The following PSG4 variants were observed in gnomAD, a reference collection of about 807,000 sequenced individuals.
PSG4 encodes pregnancy specific beta-1-glycoprotein 4.
A neutral mutation model predicts 44.3 loss-of-function variants in PSG4; 61 were observed. The ratio of observed to expected loss-of-function variants is 1.38; its 90% CI spans 1.12 to 1.70. PSG4 has a LOEUF of 1.70. PSG4 is among the 40% of genes most tolerant of loss of function. The pLI is 0.00. For missense variants in PSG4, 677 were observed against 511.7 expected (o/e 1.32, Z -3.12); for synonymous variants, 248 against 191.3 (o/e 1.30, Z -2.45).
At position 43,194,412 on chromosome 19, in the gene PSG4, G is replaced by A. The variant is rs371102327; in HGVS notation, c.1171C>T (p.Leu391Phe). ...IPQITTKHSG[L>F]YACSVRNSAT... ...GAGTTACGAACAGAGCAAGCATAGA[G>A]CCCACTATGCTTTGTAGTTATTTGG... Residue 391 changes from leucine (L) to phenylalanine (F), a missense_variant, in exon 5 of 6, where the codon CTC becomes TTC. Physicochemically the swap from Leu to Phe is conservative, Grantham distance 22. Coordinates refer to ENST00000405312, the MANE Select transcript of PSG4 (RefSeq NM_002780.5). The A allele has an allele frequency of 5.4e-5, 87 of 1,612,410 alleles. 1 individual carries two copies. The highest frequency in any genetic ancestry group is 2.0e-4 in the East Asian group (9 of 44,870).
intron 2 of PSG4, chr19:43,203,493 G>T (rs571814940): frequency 1.0e-5 from 2 of 196,228 alleles, no homozygotes; most frequent in Non-Finnish European, 2.0e-5. Flanking sequence ...AGGGACAGAG[G>T]TCTGGGGTTG....
At chr19:43,197,623 G>A in intron 3 of PSG4, 2 of 293,676 alleles carry the variant, frequency 6.8e-6, no homozygotes, top group Non-Finnish European at 1.2e-5. Context: ...AAAGTCACAG[G>A]TGACATTGTC....
At position 43,202,072 on chromosome 19, in the gene PSG4, C is replaced by A. The variant is rs1464894654; in HGVS notation, c.430+1814G>T. Among the ~76,000 whole-genome samples, 2 of 145,212 alleles carry A rather than the reference C, an allele frequency of 1.4e-5. 1 individual carries two copies. The highest frequency in any genetic ancestry group is 5.2e-5 in the African/African-American group (2 of 38,120). ...CTTTCCTATTTCCTGGGAGGTGGGCCAGGCCACAGTGTTAGCGGGAAAGGA... is the reference window on the plus strand; with the variant it reads ...CTTTCCTATTTCCTGGGAGGTGGGCAAGGCCACAGTGTTAGCGGGAAAGGA... On this transcript the variant is annotated intron_variant, in intron 2 of 5. Coordinates refer to ENST00000405312, the MANE Select transcript of PSG4 (RefSeq NM_002780.5).
At chr19:43,194,291 A>T (rs1024667649) in intron 5 of PSG4, 49 bp downstream of exon 5, 18 of 1,611,288 alleles carry the variant, frequency 1.1e-5, no homozygotes, top group African/African-American at 1.3e-5. Context: ...TGAATGCCAG[A>T]TAGACTCCAC....
chr19:43,204,701 A>ACGCC lies in PSG4; in HGVS notation c.65-451_65-450insGGCG, dbSNP rs1568391410. On this transcript the variant is annotated intron_variant, in intron 1 of 5. Transcript: ENST00000405312. ...CACTTAGCATGTCTGTCTTCCCCCC[A>ACGCC]CGATGACTGTGTGAGCTCCGTGAGG... is the stretch of plus-strand genomic sequence containing the variant. The ACGCC allele has an allele frequency of 1.3e-3, 237 of 184,064 alleles. 54 individuals are homozygous for ACGCC. Among genetic ancestry groups the ACGCC allele is most frequent in the African/African-American group, 0.01 (228 of 22,164 alleles). 11.4% of individuals were successfully genotyped at this position (184,064 alleles called of 1,614,324 possible). A position where few individuals can be genotyped will look rare whatever the true frequency, so the allele number is the denominator to read the frequency against.
chr19:43,195,322 C>T (rs1167328299), intron 3 of PSG4, 49 bp from the exon 4 acceptor site: 4 of 1,594,572 alleles, frequency 2.5e-6, no homozygotes, highest in Non-Finnish European at 3.4e-6. Flanking sequence ...CCTTTGATTC[C>T]TCCACAGGCA....
In PSG4 at chr19:43,195,291, A is replaced by T; in HGVS notation, c.710-18T>A. On this transcript the variant is annotated intron_variant, in intron 3 of 5. Transcript: ENST00000405312. ...CAGCTTTGCTGTGTGGATAACAGAG[A>T]GAAGATTGTCCTGTGTGGCACCTTT... 1 of 1,608,490 alleles carries T rather than the reference A, an allele frequency of 6.2e-7. No individual in the cohort carries two copies.
In PSG4 at chr19:43,204,849, G is replaced by T. The variant is rs1269498743; in HGVS notation, c.65-598C>A. On this transcript the variant is annotated intron_variant, in intron 1 of 5. Coordinates refer to ENST00000405312, the MANE Select transcript of PSG4 (RefSeq NM_002780.5). ...TTTCTTTTTCCCCCCAATTGTTGAG[G>T]TTTCTTGCTGAGGACAGTGTTTCAT... The T allele has an allele frequency of 7.1e-6, 3 of 424,838 alleles. No homozygotes were observed. In the Admixed American group the frequency reaches 8.1e-5, roughly 11 times the overall value. 26.3% of individuals were successfully genotyped at this position (424,838 alleles called of 1,614,324 possible).
chr19:43,198,514 G>C lies in PSG4; in HGVS notation c.431-239C>G. On this transcript the variant is annotated intron_variant, in intron 2 of 5. Transcript: ENST00000405312. ...TAGGTGTGAATTGAGCAGCAGCATT[G>C]GGTCATGGAAAGACACAGGACCAGC... The C allele has an allele frequency of 4.1e-6, 3 of 740,278 alleles. 1 individual carries two copies. The highest frequency in any genetic ancestry group is 5.8e-6 in the Non-Finnish European group (3 of 516,068). The allele number at this position is 740,278 out of a possible 1,614,324, so 45.9% of individuals were successfully genotyped here.
intron 4 of PSG4, 77 bp from the exon 5 acceptor site, chr19:43,194,671 G>T (rs913771223): frequency 2.6e-6 from 4 of 1,542,910 alleles, no homozygotes; most frequent in Non-Finnish European, 3.5e-6. Context: ...AAGGGACACA[G>T]TTACCCTCTA....
chr19:43,195,545 A>G (rs1446193941), intron 3 of PSG4, among the ~76,000 whole-genome samples: 1 of 151,348 alleles, frequency 6.6e-6, no homozygotes, highest in Non-Finnish European at 1.5e-5. Flanking sequence ...TGGGAGTCAC[A>G]GCCCCTTGTA....
intron 2 of PSG4, among the ~76,000 whole-genome samples, chr19:43,200,479 G>A (rs1204542538): frequency 6.9e-6 from 1 of 144,988 alleles, no homozygotes; most frequent in Non-Finnish European, 1.5e-5. Flanking sequence ...TCCTGTTTCA[G>A]TTTTGGAAGT....
In PSG4 at chr19:43,192,733, A is replaced by G. The variant is rs952456537; in HGVS notation, c.*639T>C. 5.4e-4 allele frequency: 88 copies of G among 162,594 alleles called. No homozygotes were observed. Among genetic ancestry groups the G allele is most frequent in the Non-Finnish European group, 6.9e-4 (51 of 74,084 alleles). 10.1% of individuals were successfully genotyped at this position (162,594 alleles called of 1,614,324 possible). A position where few individuals can be genotyped will look rare whatever the true frequency, so the allele number is the denominator to read the frequency against. Reference sequence around the variant, plus strand: ...AATGTGGTACATGTTTTATTCTGCTAGAATCAGTATTACTGTCACGTTTTA... The same window carrying G: ...AATGTGGTACATGTTTTATTCTGCTGGAATCAGTATTACTGTCACGTTTTA... On this transcript the variant is annotated 3_prime_UTR_variant, in exon 6 of 6. Transcript: ENST00000405312.
At chr19:43,200,457 C>A (rs1568387864) in intron 2 of PSG4, among the ~76,000 whole-genome samples, 1 of 145,244 alleles carries the variant, frequency 6.9e-6, no homozygotes. Flanking sequence ...TTTCCCCACC[C>A]TTTTTGAACT....
chr19:43,204,199 T>C lies in PSG4; in HGVS notation c.117A>G (p.Glu39=), dbSNP rs1967652904. 1.3e-6 allele frequency: 2 copies of C among 1,584,384 alleles called. No individual in the cohort carries two copies. The highest frequency in any genetic ancestry group is 8.6e-7 in the Non-Finnish European group (1 of 1,169,562). ...CCTCAGAAACTTTGGGTGGCTGGGC[T>C]TCAATCGTGACTTGGGCAGTTGTGG... ...NPPTTAQVTI[E]AQPPKVSEGK... is the part of the protein sequence containing the mutation. The change falls in exon 2 of 6, where the codon GAA becomes GAG. Residue 39 remains glutamate, a synonymous_variant. Transcript: ENST00000405312.
chr19:43,205,634 G>C lies in PSG4; in HGVS notation c.-98C>G. On this transcript the variant is annotated 5_prime_UTR_variant, in exon 1 of 6. Coordinates refer to ENST00000405312, the MANE Select transcript of PSG4 (RefSeq NM_002780.5). ...CAGCTGTGCTGTCCTTCCTCCTTCT[G>C]TGCTGAGCCTCCTCCCGGGGCAGGA... The C allele has an allele frequency of 1.5e-6, 2 of 1,299,178 alleles. No homozygotes were observed. Among genetic ancestry groups the C allele is most frequent in the African/African-American group, 3.4e-5 (2 of 59,096 alleles). The allele number at this position is 1,299,178 out of a possible 1,614,324, so 80.5% of individuals were successfully genotyped here.
chr19:43,194,716 C>T (rs1967159668), intron 4 of PSG4, 122 bp from the exon 5 acceptor site: 1 of 1,476,498 alleles, frequency 6.8e-7, no homozygotes, highest in Non-Finnish European at 9.1e-7. Context: ...AGCCAAACTC[C>T]CTCTATGTTC....
intron 2 of PSG4, among the ~76,000 whole-genome samples, chr19:43,199,396 C>T (rs1967405297): frequency 6.9e-6 from 1 of 145,468 alleles, no homozygotes; most frequent in Non-Finnish European, 1.5e-5. Context: ...ATCTCCTGTA[C>T]AGCTTCATGC....
chr19:43,194,128 G>C (rs562261419), intron 5 of PSG4: 4 of 1,375,620 alleles, frequency 2.9e-6, no homozygotes, highest in South Asian at 1.5e-5. Context: ...TCTCCTGCTT[G>C]GTCTAGGCTG....
Sources: gnomAD v4.1 joint callset for allele counts (sites outside exome capture counted in the v4.1 genomes callset) on GRCh38, gnomAD v4.1.1 for gene constraint, MANE v1.5 for transcripts, NCBI Gene and HGNC (gene_info 2026-07-23, HGNC 2026-07-21) for gene names.